Variants in EP400 observed in about 807,000 individuals in gnomAD.
EP400 encodes E1A-binding protein p400.
A neutral mutation model predicts 354.1 loss-of-function variants in EP400; 105 were observed. The ratio of observed to expected loss-of-function variants is 0.30; its 90% confidence interval spans 0.25 to 0.35. The LOEUF is 0.35. EP400 is among the 10% of genes least tolerant of loss of function. The pLI, the probability that EP400 is intolerant of heterozygous loss-of-function variation, is 1.00. For missense variants in EP400, 3,280 were observed against 4,121.0 expected (o/e 0.80, Z 5.59); for synonymous variants, 1,646 against 1,716.9 (o/e 0.96, Z 1.02).
chr12:132,012,878 T>TA, intron 16 of EP400, 131 bp from the exon 17 acceptor site: 1 of 980,286 alleles, frequency 1.0e-6, no homozygotes, highest in Non-Finnish European at 1.4e-6. Flanking sequence ...GCAAGTTATT[T>TA]AAAAAAGCAA....
At chr12:131,954,079 C>G (rs1254729206) in intron 1 of EP400, among the ~76,000 whole-genome samples, 2 of 152,088 alleles carry the variant, frequency 1.3e-5, no homozygotes, top group African/African-American at 2.4e-5. Context: ...CGCCGCAGCA[C>G]TCGAGTTTAG....
intron 2 of EP400, among the ~76,000 whole-genome samples, chr12:131,966,385 G>A (rs1318557482): frequency 2.6e-5 from 4 of 151,490 alleles, no homozygotes; most frequent in African/African-American, 7.3e-5. Context: ...CTTGGCCAAC[G>A]TGGTGAAACC....
chr12:131,981,176 C>T (rs574824082), intron 3 of EP400, among the ~76,000 whole-genome samples: 2 of 152,314 alleles, frequency 1.3e-5, no homozygotes, highest in South Asian at 4.1e-4. Flanking sequence ...CGTCCGTGTA[C>T]TTGTGATGCT....
At chr12:131,964,020 G>C (rs1891991889) in intron 2 of EP400, among the ~76,000 whole-genome samples, 1 of 152,164 alleles carries the variant, frequency 6.6e-6, no homozygotes, top group South Asian at 2.1e-4. Flanking sequence ...GATTCAAGTA[G>C]ATGATAAATT....
intron 45 of EP400, among the ~76,000 whole-genome samples, chr12:132,060,421 G>A (rs902956947): frequency 2.6e-5 from 4 of 152,214 alleles, no homozygotes; most frequent in Non-Finnish European, 4.4e-5. Context: ...AGTCAAGGAT[G>A]AGAAAAAGGA....
At position 132,052,548 on chromosome 12, in the gene EP400, A is replaced by G. The variant is rs1895332550; in HGVS notation, c.7395-598A>G. Among the ~76,000 whole-genome samples, 1 of 152,264 alleles carries G rather than the reference A, an allele frequency of 6.6e-6. No individual in the cohort carries two copies. The highest frequency in any genetic ancestry group is 1.5e-5 in the Non-Finnish European group (1 of 68,050). ...CCTGCTGTTTTCCTCCATAGCAGCCAGTACGTCTTCAGACCCACTGCACAT... is the reference window on the plus strand; with the variant it reads ...CCTGCTGTTTTCCTCCATAGCAGCCGGTACGTCTTCAGACCCACTGCACAT... On this transcript the variant is annotated intron_variant, in intron 41 of 52. Coordinates refer to ENST00000389561, the MANE Select transcript of EP400 (RefSeq NM_015409.5). This position sits in a 1 kb window ranked among gnomAD's most constrained non-coding sequence, Gnocchi z 4.4.
intron 23 of EP400, among the ~76,000 whole-genome samples, chr12:132,022,697 C>T (rs1041748836): frequency 2.6e-5 from 4 of 151,198 alleles, no homozygotes; most frequent in Non-Finnish European, 5.9e-5. Context: ...TATAGATTGA[C>T]GCTTACCATC....
chr12:131,989,864 T>C lies in EP400; in HGVS notation c.2410-100T>C, dbSNP rs1341986315. 20 of 1,377,038 alleles carry C rather than the reference T, an allele frequency of 1.5e-5. No homozygotes were observed. In the Admixed American group the frequency reaches 2.5e-4, roughly 17 times the overall value. 85.3% of individuals were successfully genotyped at this position (1,377,038 alleles called of 1,614,324 possible). On this transcript the variant is annotated intron_variant, in intron 7 of 52. Coordinates refer to ENST00000389561, the MANE Select transcript of EP400 (RefSeq NM_015409.5). ...AGGATGTATATGACAGTGAATTGTA[T>C]GTAATTTTAGTCTGAGAAGATTTAA...
chr12:131,959,355 G>C (rs966751315), intron 1 of EP400, among the ~76,000 whole-genome samples: 6 of 152,138 alleles, frequency 3.9e-5, no homozygotes, highest in Non-Finnish European at 8.8e-5. Flanking sequence ...GAGAAAGAGC[G>C]ACCACAGTGG....
At chr12:132,039,409 G>A (rs1457689106) in intron 32 of EP400, among the ~76,000 whole-genome samples, 2 of 152,122 alleles carry the variant, frequency 1.3e-5, no homozygotes, top group Admixed American at 6.6e-5. Context: ...AGTGAGAGAG[G>A]GAGCAAGGGG....
At position 132,013,234 on chromosome 12, in the gene EP400, C is replaced by A; in HGVS notation, c.3611+56C>A. 1 of 1,546,376 alleles carries A rather than the reference C, an allele frequency of 6.5e-7. No individual in the cohort carries two copies. Among genetic ancestry groups the A allele is most frequent in the Non-Finnish European group, 8.8e-7 (1 of 1,142,804 alleles). On this transcript the variant is annotated intron_variant, in intron 17 of 52. Transcript: ENST00000389561. This position sits in a 1 kb window ranked among gnomAD's most constrained non-coding sequence, Gnocchi z 4.5. ...TTCTTTGCTGTTGATGTAGAAGATTCTCTTGAAGAAATCTGCATAATTGCA... is the reference window on the plus strand; with the variant it reads ...TTCTTTGCTGTTGATGTAGAAGATTATCTTGAAGAAATCTGCATAATTGCA...
intron 30 of EP400, among the ~76,000 whole-genome samples, chr12:132,033,148 A>G (rs902796310): frequency 6.7e-6 from 1 of 148,468 alleles, no homozygotes; most frequent in African/African-American, 2.5e-5. Context: ...GGGTTTCACC[A>G]TGTTGGCCAG....
intron 2 of EP400, among the ~76,000 whole-genome samples, chr12:131,974,122 G>T (rs1276401875): frequency 2.0e-5 from 3 of 151,908 alleles, no homozygotes; most frequent in Admixed American, 2.0e-4. Context: ...GGGACTACAG[G>T]CGTGTGCCAC....
chr12:132,056,404 C>A (rs766187902), intron 45 of EP400, among the ~76,000 whole-genome samples: 4 of 150,520 alleles, frequency 2.7e-5, no homozygotes, highest in African/African-American at 5.0e-5. Context: ...CAGAAATAGA[C>A]CCCTCCCCAA....
intron 12 of EP400, among the ~76,000 whole-genome samples, chr12:132,003,507 T>C (rs987236529): frequency 6.6e-6 from 1 of 151,616 alleles, no homozygotes; most frequent in Admixed American, 6.6e-5. Context: ...TCTAAACAGG[T>C]TTTTTTTTCT....
chr12:132,012,826 A>G (rs1893809045), intron 16 of EP400, among the ~76,000 whole-genome samples, 183 bp from the exon 17 acceptor site: 1 of 152,218 alleles, frequency 6.6e-6, no homozygotes, highest in Non-Finnish European at 1.5e-5. Flanking sequence ...CCCTAGAGGT[A>G]GAGATAAAAA....
chr12:131,991,300 CT>C, intron 9 of EP400, 106 bp from the exon 10 acceptor site: 1 of 1,086,636 alleles, frequency 9.2e-7, no homozygotes, highest in South Asian at 1.3e-5. Context: ...CGCGTCCTTC[CT>C]TTCCCTGCAC....
intron 3 of EP400, among the ~76,000 whole-genome samples, chr12:131,980,307 A>G (rs1892637090): frequency 6.6e-6 from 1 of 152,160 alleles, no homozygotes; most frequent in African/African-American, 2.4e-5. Flanking sequence ...TGATACTTTG[A>G]AAAAGTTGAG....
Position 132,025,268 on chromosome 12 carries a change from G to A in EP400, c.4856-378G>A, listed in dbSNP as rs528238382. On this transcript the variant is annotated intron_variant, in intron 24 of 52. Coordinates refer to ENST00000389561, the MANE Select transcript of EP400 (RefSeq NM_015409.5). The surrounding 1 kb of genome is among the most constrained non-coding windows in gnomAD (Gnocchi z 4.1). ...AGCAGCAGAAAAGCCACAGGCATCT[G>A]GGCTAAAAACAGGGTTTTGTTCTAT... Among the ~76,000 whole-genome samples the A allele has an allele frequency of 6.6e-6, 1 of 152,264 alleles. No homozygotes were observed. Among genetic ancestry groups the A allele is most frequent in the African/African-American group, 2.4e-5 (1 of 41,542 alleles).
Sources: allele counts gnomAD v4.1 joint callset (sites outside exome capture counted in the v4.1 genomes callset), GRCh38; gene constraint gnomAD v4.1.1; non-coding constraint Gnocchi (gnomAD v3.1); transcripts MANE v1.5; gene names NCBI Gene and HGNC (gene_info 2026-07-23, HGNC 2026-07-21).